RNF150: variants seen among roughly 807,000 people sequenced by gnomAD.
RNF150 encodes the protein ring finger protein 150.
A neutral mutation model predicts 39.3 loss-of-function variants in RNF150; 24 were observed. The observed-to-expected ratio is 0.61, with a 90% CI of 0.44 to 0.86. The LOEUF (loss-of-function observed/expected upper bound fraction) is 0.86, where lower values mean the gene tolerates loss of function less well. RNF150 is among the 40% of genes least tolerant of loss of function. RNF150 has a pLI of 0.00. For synonymous variants in RNF150, 255 were observed against 227.3 expected (o/e 1.12, Z -1.10); for missense variants, 502 against 587.8 (o/e 0.85, Z 1.51).
chr4:140,913,192 C>T (rs143468649), intron 5 of RNF150, among the ~76,000 whole-genome samples: 325 of 152,156 alleles, frequency 2.1e-3, no homozygotes, highest in African/African-American at 6.8e-3. Flanking sequence ...ACCTGGTAGG[C>T]GGAGGTTGCA....
chr4:141,204,927 G>C (rs1353179159), intron 1 of RNF150, among the ~76,000 whole-genome samples: 2 of 152,022 alleles, frequency 1.3e-5, no homozygotes, highest in African/African-American at 2.4e-5. Flanking sequence ...GAGTATTTTT[G>C]AGTGTAAAAT....
chr4:140,895,004 C>T (rs923202500), intron 6 of RNF150, among the ~76,000 whole-genome samples: 2 of 152,142 alleles, frequency 1.3e-5, no homozygotes, highest in African/African-American at 4.8e-5. Flanking sequence ...TTTCTTGCCC[C>T]AGGAATCTGC....
At chr4:141,133,886 A>C (rs977443005), upstream of RNF150, among the ~76,000 whole-genome samples, 9 of 152,102 alleles carry the variant, frequency 5.9e-5, no homozygotes, top group African/African-American at 1.9e-4. Context: ...ACTCAGACCG[A>C]TGGGTCCTGC....
intron 1 of RNF150, among the ~76,000 whole-genome samples, chr4:141,201,863 T>C (rs1728297991): frequency 6.6e-6 from 1 of 152,140 alleles, no homozygotes; most frequent in African/African-American, 2.4e-5. Flanking sequence ...ATCCATATGT[T>C]GGAACAGAAT....
intron 2 of RNF150, among the ~76,000 whole-genome samples, chr4:140,954,854 G>GA (rs1358279612): frequency 6.6e-6 from 1 of 152,098 alleles, no homozygotes; most frequent in African/African-American, 2.4e-5. Context: ...AAAAAATTTG[G>GA]AACATAAGGA....
intron 1 of RNF150, among the ~76,000 whole-genome samples, chr4:141,140,245 T>C (rs1370128386): frequency 6.6e-6 from 1 of 152,240 alleles, no homozygotes; most frequent in Non-Finnish European, 1.5e-5. Flanking sequence ...TTCAGAACAA[T>C]AGGATACCTT....
chr4:140,890,742 C>T (rs1429125467), intron 6 of RNF150, among the ~76,000 whole-genome samples: 1 of 152,212 alleles, frequency 6.6e-6, no homozygotes, highest in African/African-American at 2.4e-5. Flanking sequence ...GTTCTTTAAG[C>T]CACCAGGTCT....
At chr4:141,125,289 G>T (rs550234934) in intron 1 of RNF150, among the ~76,000 whole-genome samples, 4 of 152,174 alleles carry the variant, frequency 2.6e-5, no homozygotes, top group African/African-American at 9.7e-5. Flanking sequence ...TTAATAGAAC[G>T]ATTGTAAATT....
intron 4 of RNF150, among the ~76,000 whole-genome samples, chr4:140,936,220 T>C (rs1469767773): frequency 9.9e-5 from 15 of 152,214 alleles, no homozygotes; most frequent in Admixed American, 9.8e-4. Context: ...TTTTGGCTAT[T>C]ATGGCTAAAT....
At chr4:141,164,224 T>A (rs1727562752) in intron 1 of RNF150, among the ~76,000 whole-genome samples, 2 of 149,244 alleles carry the variant, frequency 1.3e-5, no homozygotes, top group Non-Finnish European at 3.0e-5. Context: ...ATCAATTTAA[T>A]GAAAAAAAAA....
intron 1 of RNF150, among the ~76,000 whole-genome samples, chr4:141,091,266 G>A (rs1225676653): frequency 6.6e-6 from 1 of 152,194 alleles, no homozygotes; most frequent in Non-Finnish European, 1.5e-5. Flanking sequence ...AGGATTAAAT[G>A]AGTTAATGAG....
At chr4:141,000,812 C>A (rs904751535) in intron 1 of RNF150, among the ~76,000 whole-genome samples, 1 of 152,144 alleles carries the variant, frequency 6.6e-6, no homozygotes, top group Non-Finnish European at 1.5e-5. Flanking sequence ...ATGTTAACTC[C>A]TTGACAGGCA....
intron 1 of RNF150, among the ~76,000 whole-genome samples, chr4:141,069,004 A>G (rs1737577893): frequency 6.7e-6 from 1 of 149,234 alleles, no homozygotes; most frequent in South Asian, 2.1e-4. Flanking sequence ...GTCATCTGCA[A>G]ACAGGGACAA....
At chr4:141,178,115 G>A (rs1263520988) in intron 1 of RNF150, among the ~76,000 whole-genome samples, 1 of 152,130 alleles carries the variant, frequency 6.6e-6, no homozygotes, top group Non-Finnish European at 1.5e-5. Flanking sequence ...AAGCACTTAG[G>A]AAAGTTGTAG....
At chr4:141,189,299 G>A (rs1414183489) in intron 1 of RNF150, among the ~76,000 whole-genome samples, 1 of 152,186 alleles carries the variant, frequency 6.6e-6, no homozygotes, top group South Asian at 2.1e-4. Context: ...CCCTCCAGAA[G>A]CCAGCTGGAG....
intron 1 of RNF150, among the ~76,000 whole-genome samples, chr4:140,984,896 T>C (rs943661495): frequency 4.6e-5 from 7 of 152,130 alleles, no homozygotes; most frequent in African/African-American, 1.7e-4. Flanking sequence ...GCTTCATTAC[T>C]TCCTTGATAA....
At chr4:141,032,622 A>G (rs1735991566) in intron 1 of RNF150, among the ~76,000 whole-genome samples, 1 of 152,100 alleles carries the variant, frequency 6.6e-6, no homozygotes, top group East Asian at 1.9e-4. Flanking sequence ...AAAAAAAAGA[A>G]TCTTCTGGAC....
At chr4:141,187,600 A>G (rs1728035993) in intron 1 of RNF150, among the ~76,000 whole-genome samples, 1 of 152,318 alleles carries the variant, frequency 6.6e-6, no homozygotes, top group African/African-American at 2.4e-5. Context: ...CTTTACCATT[A>G]TGCAATGCCC....
chr4:141,149,128 T>C (rs554593782), intron 1 of RNF150, among the ~76,000 whole-genome samples: 4 of 152,372 alleles, frequency 2.6e-5, no homozygotes, highest in African/African-American at 9.6e-5. Context: ...TTTTATCCTT[T>C]TGTGGGGATT....
Sources: gnomAD v4.1 joint callset for allele counts (sites outside exome capture counted in the v4.1 genomes callset) on GRCh38, gnomAD v4.1.1 for gene constraint, MANE v1.5 for transcripts, NCBI Gene and HGNC (gene_info 2026-07-23, HGNC 2026-07-21) for gene names.